The following PRUNE2 variants were observed in gnomAD, a reference collection of about 807,000 sequenced individuals.
PRUNE2 encodes prune homolog 2 with BCH domain, also known as protein prune homolog 2.
A neutral mutation model predicts 252.0 loss-of-function variants in PRUNE2; 164 were observed. The observed-to-expected ratio is 0.65, with a 90% confidence interval of 0.57 to 0.74. The LOEUF (loss-of-function observed/expected upper bound fraction) is 0.74. Among genes scored for constraint, PRUNE2 ranks in the 30% least tolerant of loss-of-function variants. The probability of loss-of-function intolerance (pLI) is 0.00; values close to 1 mark genes in which losing one functional copy is unlikely to be tolerated. For synonymous variants in PRUNE2, 1,292 were observed against 1,350.2 expected, an observed-to-expected ratio of 0.96 and a Z score of 0.94; for missense variants, 3,495 against 3,711.0, an observed-to-expected ratio of 0.94 and a Z score of 1.51.
At chr9:76,876,944 C>T (rs938887965) in intron 1 of PRUNE2, among the ~76,000 whole-genome samples, 6 of 152,202 alleles carry the variant, frequency 3.9e-5, no homozygotes, top group African/African-American at 1.2e-4. Flanking sequence ...CCATAAGACA[C>T]ATAAAGCTTT....
chr9:76,877,945 A>C (rs1249328343), intron 1 of PRUNE2, among the ~76,000 whole-genome samples: 1 of 152,218 alleles, frequency 6.6e-6, no homozygotes, highest in African/African-American at 2.4e-5. Flanking sequence ...CGGAATCTGG[A>C]CTTAGCAGGA....
At chr9:76,872,892 T>G (rs534780154) in intron 1 of PRUNE2, among the ~76,000 whole-genome samples, 1 of 152,296 alleles carries the variant, frequency 6.6e-6, no homozygotes, top group African/African-American at 2.4e-5. Flanking sequence ...ATAACCTTAT[T>G]TGGACCTGGG....
At chr9:76,802,905 T>C (rs893250956) in intron 6 of PRUNE2, among the ~76,000 whole-genome samples, 6 of 152,190 alleles carry the variant, frequency 3.9e-5, no homozygotes, top group Non-Finnish European at 8.8e-5. Flanking sequence ...ATATTCATGC[T>C]GACATCGACA....
intron 6 of PRUNE2, chr9:76,764,347 T>A (rs970742035): frequency 6.6e-6 from 1 of 152,210 alleles, no homozygotes; most frequent in Admixed American, 6.5e-5. Context: ...CTGGGAAATC[T>A]GAGAAATGGT....
intron 9 of PRUNE2, among the ~76,000 whole-genome samples, chr9:76,656,542 C>T (rs1433874867): frequency 6.6e-6 from 1 of 152,094 alleles, no homozygotes; most frequent in Non-Finnish European, 1.5e-5. Flanking sequence ...AAGTCAAATC[C>T]CCTACTGTCA....
chr9:76,824,345 A>G (rs2058220192), intron 5 of PRUNE2, among the ~76,000 whole-genome samples: 1 of 152,190 alleles, frequency 6.6e-6, no homozygotes, highest in South Asian at 2.1e-4. Flanking sequence ...GTTAAGTAAC[A>G]CCAAAGAAAG....
chr9:76,748,635 A>G (rs1195291739), intron 6 of PRUNE2: 2 of 152,288 alleles, frequency 1.3e-5, no homozygotes, highest in African/African-American at 4.8e-5. Flanking sequence ...TTTATGGCAC[A>G]TAAATGATAT....
chr9:76,717,375 G>T (rs1440068331), intron 6 of PRUNE2, among the ~76,000 whole-genome samples: 1 of 152,306 alleles, frequency 6.6e-6, no homozygotes, highest in East Asian at 1.9e-4. Flanking sequence ...TACGCAGGGA[G>T]TCATGTGCTG....
intron 1 of PRUNE2, among the ~76,000 whole-genome samples, chr9:76,902,988 G>C (rs1174800082): frequency 2.6e-5 from 4 of 152,214 alleles, no homozygotes; most frequent in African/African-American, 9.7e-5. Flanking sequence ...ATAGAATTGA[G>C]AGTGATCTCC....
At chr9:76,624,180 G>A (rs1165614740) in intron 17 of PRUNE2, among the ~76,000 whole-genome samples, 1 of 152,092 alleles carries the variant, frequency 6.6e-6, no homozygotes, top group African/African-American at 2.4e-5. Context: ...TGCCTGTGAT[G>A]TGCTCTTTTG....
chr9:76,700,961 G>C (rs2045839220), intron 9 of PRUNE2, among the ~76,000 whole-genome samples: 1 of 152,208 alleles, frequency 6.6e-6, no homozygotes, highest in Non-Finnish European at 1.5e-5. Flanking sequence ...GCATTGACTA[G>C]CTTGACTTAA....
intron 6 of PRUNE2, among the ~76,000 whole-genome samples, chr9:76,730,335 C>G (rs2048454145): frequency 6.6e-6 from 1 of 152,160 alleles, no homozygotes. Context: ...AACTGTGCAG[C>G]CCTACCTCCT....
At position 76,648,956 on chromosome 9, in the gene PRUNE2, A is replaced by AAACT. The variant is rs972448942; in HGVS notation, c.8557+3523_8557+3526dup. Among the ~76,000 whole-genome samples, 13 of 152,334 alleles carry AAACT rather than the reference A, an allele frequency of 8.5e-5. No homozygotes were observed. In the South Asian group the frequency reaches 1.2e-3, roughly 15 times the overall value. On this transcript the variant is annotated intron_variant, in intron 11 of 18. Transcript: ENST00000376718. ...AAACAAACAGCTGAACCCCTCATGT[A>AAACT]AACTATGGACCTTGGGTGATAATGA...
intron 2 of PRUNE2, among the ~76,000 whole-genome samples, chr9:76,852,307 TTCTA>T (rs2060004584): frequency 6.6e-6 from 1 of 152,150 alleles, no homozygotes; most frequent in Non-Finnish European, 1.5e-5. Context: ...GAATGGAGGG[TTCTA>T]TCTAACTCCT....
At chr9:76,865,074 G>A (rs999724906) in intron 1 of PRUNE2, among the ~76,000 whole-genome samples, 4 of 152,208 alleles carry the variant, frequency 2.6e-5, no homozygotes, top group Non-Finnish European at 4.4e-5. Context: ...GTTAGCAGAG[G>A]CCTCAGGATT....
intron 9 of PRUNE2, among the ~76,000 whole-genome samples, chr9:76,691,771 AT>A (rs1248153494): frequency 6.6e-6 from 1 of 152,226 alleles, no homozygotes; most frequent in Non-Finnish European, 1.5e-5. Context: ...CATCATAAAT[AT>A]AAAGGAAAAC....
At chr9:76,755,522 A>G (rs763152219) in intron 6 of PRUNE2, among the ~76,000 whole-genome samples, 2 of 152,096 alleles carry the variant, frequency 1.3e-5, no homozygotes, top group Non-Finnish European at 2.9e-5. Flanking sequence ...GGGGGTGTGG[A>G]CAAAGAACGC....
chr9:76,624,283 A>C (rs570638988), intron 17 of PRUNE2, among the ~76,000 whole-genome samples, 169 bp downstream of exon 17: 2 of 152,210 alleles, frequency 1.3e-5, no homozygotes, highest in Non-Finnish European at 2.9e-5. Context: ...GGAAAAATAG[A>C]TTGTAGTAAG....
intron 6 of PRUNE2, among the ~76,000 whole-genome samples, chr9:76,762,300 C>A (rs1460858198): frequency 1.3e-5 from 2 of 152,132 alleles, no homozygotes; most frequent in African/African-American, 4.8e-5. Flanking sequence ...TCTGTTATTT[C>A]ATCAAAAAGT....
Sources: gnomAD v4.1 joint callset for allele counts (sites outside exome capture counted in the v4.1 genomes callset) on GRCh38, gnomAD v4.1.1 for gene constraint, MANE v1.5 for transcripts, NCBI Gene and HGNC (gene_info 2026-07-23, HGNC 2026-07-21) for gene names.